ARID1B: variants seen among roughly 807,000 people sequenced by gnomAD.
ARID1B encodes the protein AT-rich interaction domain 1B.
In ARID1B, 30 loss-of-function variants were observed where a neutral mutation model predicts 212.3. The ratio of observed to expected loss-of-function variants is 0.14; its 90% CI spans 0.11 to 0.19. The LOEUF is 0.19. ARID1B is among the 10% of genes least tolerant of loss of function. ARID1B has a pLI of 1.00. For missense variants in ARID1B, 2,891 were observed against 3,204.0 expected (o/e 0.90, Z 2.36); for synonymous variants, 1,402 against 1,301.7 (o/e 1.08, Z -1.66).
At chr6:156,786,661 A>G (rs1398024464) in intron 1 of ARID1B, among the ~76,000 whole-genome samples, 1 of 152,192 alleles carries the variant, frequency 6.6e-6, no homozygotes, top group East Asian at 1.9e-4. Context: ...AACATTTAGC[A>G]TTTGTGTATG....
At chr6:156,862,856 A>T (rs1450377256) in intron 2 of ARID1B, among the ~76,000 whole-genome samples, 1 of 152,250 alleles carries the variant, frequency 6.6e-6, no homozygotes, top group Non-Finnish European at 1.5e-5. Context: ...GAGACAGGGA[A>T]ATAGTGAATG....
chr6:156,948,433 G>A (rs954837828), intron 4 of ARID1B, among the ~76,000 whole-genome samples: 2 of 152,118 alleles, frequency 1.3e-5, no homozygotes, highest in East Asian at 1.9e-4. Flanking sequence ...GGTGGAGGGT[G>A]TCTCACTCTG....
chr6:157,023,028 G>A (rs1780427389), intron 4 of ARID1B: 1 of 152,168 alleles, frequency 6.6e-6, no homozygotes. Context: ...TTCTGTGTTT[G>A]TGATCTGTAT....
At chr6:156,930,283 C>T (rs1008942265) in intron 3 of ARID1B, among the ~76,000 whole-genome samples, 1 of 152,096 alleles carries the variant, frequency 6.6e-6, no homozygotes, top group Non-Finnish European at 1.5e-5. Context: ...CTCATGAGAC[C>T]TGGTTGTTTA....
At chr6:156,817,686 C>T (rs1782064487) in intron 1 of ARID1B, among the ~76,000 whole-genome samples, 1 of 151,842 alleles carries the variant, frequency 6.6e-6, no homozygotes. Context: ...TTTAAATTTA[C>T]AGCAAAGTTG....
At chr6:156,780,627 A>G (rs1268619687) in intron 1 of ARID1B, among the ~76,000 whole-genome samples, 1 of 152,246 alleles carries the variant, frequency 6.6e-6, no homozygotes, top group East Asian at 1.9e-4. Context: ...TACAGTCACA[A>G]AAATTCTTGC....
intron 4 of ARID1B, among the ~76,000 whole-genome samples, chr6:157,083,379 A>G (rs1486677824): frequency 6.6e-6 from 1 of 152,204 alleles, no homozygotes; most frequent in Non-Finnish European, 1.5e-5. Context: ...TCGGTCAGTG[A>G]TCTGGGAGTC....
At chr6:157,093,130 G>T (rs1785384649) in intron 5 of ARID1B, among the ~76,000 whole-genome samples, 1 of 152,156 alleles carries the variant, frequency 6.6e-6, no homozygotes. Context: ...AAGCTTTTAT[G>T]AACTAATTTT....
intron 2 of ARID1B, among the ~76,000 whole-genome samples, chr6:156,835,263 A>AAAT: frequency 6.6e-6 from 1 of 150,806 alleles, no homozygotes; most frequent in Non-Finnish European, 1.5e-5. Flanking sequence ...AAAAGAAAAT[A>AAAT]TTTTTGAAAA....
chr6:157,077,381 G>A (rs1216356927), intron 4 of ARID1B, among the ~76,000 whole-genome samples: 1 of 152,134 alleles, frequency 6.6e-6, no homozygotes, highest in African/African-American at 2.4e-5. Context: ...TCCTAAAAAT[G>A]TAGGCCCCTG....
chr6:157,107,581 TATC>T (rs1786586529), intron 5 of ARID1B: 1 of 152,238 alleles, frequency 6.6e-6, no homozygotes, highest in Non-Finnish European at 1.5e-5. Context: ...CTGTGTGTGT[TATC>T]ATTGGAGAAT....
intron 1 of ARID1B, 151 bp downstream of exon 1, chr6:156,779,622 C>T: frequency 1.2e-6 from 1 of 814,718 alleles, no homozygotes; most frequent in Non-Finnish European, 1.5e-6. Flanking sequence ...GCGGCCGCCT[C>T]CCGCCGCGGT....
chr6:156,970,386 C>A (rs2128343933), intron 4 of ARID1B, among the ~76,000 whole-genome samples: 1 of 152,196 alleles, frequency 6.6e-6, no homozygotes, highest in African/African-American at 2.4e-5. Flanking sequence ...CCCAGCCAAG[C>A]TTTGACTTTT....
intron 1 of ARID1B, among the ~76,000 whole-genome samples, chr6:156,798,299 C>T (rs1172929576): frequency 2.0e-5 from 3 of 152,208 alleles, no homozygotes; most frequent in South Asian, 2.1e-4. Context: ...GGCGGGAGCA[C>T]GCCTGGCTCT....
chr6:157,001,919 C>T (rs553908421), intron 4 of ARID1B, among the ~76,000 whole-genome samples: 10 of 152,304 alleles, frequency 6.6e-5, no homozygotes, highest in Middle Eastern at 3.4e-3. Flanking sequence ...CAGCAGGCGG[C>T]GAGGGCTCCC....
chr6:156,926,597 C>T (rs1186755229), intron 3 of ARID1B, among the ~76,000 whole-genome samples: 4 of 152,160 alleles, frequency 2.6e-5, no homozygotes, highest in Non-Finnish European at 5.9e-5. Context: ...ATCTGGCACA[C>T]GTCACTCCAC....
chr6:157,081,508 A>G (rs191894892), intron 4 of ARID1B, among the ~76,000 whole-genome samples: 24 of 152,326 alleles, frequency 1.6e-4, no homozygotes, highest in Admixed American at 2.6e-4. Flanking sequence ...TAATATAATA[A>G]TTATATCTTT....
At chr6:157,078,747 T>TA (rs1234732445) in intron 4 of ARID1B, among the ~76,000 whole-genome samples, 3 of 152,250 alleles carry the variant, frequency 2.0e-5, no homozygotes, top group Non-Finnish European at 4.4e-5. Context: ...ATTACAATGA[T>TA]ATTTATCTAA....
intron 1 of ARID1B, among the ~76,000 whole-genome samples, chr6:156,828,217 A>C (rs558318383): frequency 3.9e-5 from 6 of 152,018 alleles, no homozygotes; most frequent in Non-Finnish European, 8.8e-5. Flanking sequence ...GCCTGCCACC[A>C]CGCCTGGCTA....
Sources: allele counts gnomAD v4.1 joint callset (sites outside exome capture counted in the v4.1 genomes callset), GRCh38; gene constraint gnomAD v4.1.1; transcripts MANE v1.5; gene names NCBI Gene and HGNC (gene_info 2026-07-23, HGNC 2026-07-21).